TLK1: variants seen among roughly 807,000 people sequenced by gnomAD.
The protein encoded by TLK1 is tousled like kinase 1.
Under a neutral mutation model 105.3 loss-of-function variants are expected in TLK1, and 24 were observed. The ratio of observed to expected loss-of-function variants is 0.23; its 90% CI spans 0.17 to 0.32. TLK1 has a LOEUF of 0.32. Ranked by LOEUF, TLK1 falls within the 10% of genes least tolerant of loss-of-function variation. The pLI is 1.00. For synonymous variants in TLK1, 321 were observed against 310.4 expected, an observed-to-expected ratio of 1.03 and a Z score of -0.36; for missense variants, 558 against 910.5, an observed-to-expected ratio of 0.61 and a Z score of 4.98.
intron 11 of TLK1, chr2:171,045,256 T>C (rs1686898395): frequency 7.0e-6 from 1 of 143,074 alleles, no homozygotes; most frequent in African/African-American, 2.6e-5. Flanking sequence ...TTTGAGAAAG[T>C]CTCACTCTTG....
At chr2:171,086,739 T>A (rs1688997626) in intron 2 of TLK1, among the ~76,000 whole-genome samples, 1 of 151,836 alleles carries the variant, frequency 6.6e-6, no homozygotes, top group Admixed American at 6.6e-5. Context: ...GTCCCGGAGA[T>A]CAGAGCTGCA....
At position 170,999,932 on chromosome 2, in the gene TLK1, T is replaced by A. The variant is rs114610422; in HGVS notation, c.1905-2109A>T. 8.9e-3 allele frequency among the ~76,000 whole-genome samples: 1,354 copies of A among 152,080 alleles called. 16 individuals carry two copies. Among genetic ancestry groups the A allele is most frequent in the African/African-American group, 0.026 (1,092 of 41,486 alleles). On this transcript the variant is annotated intron_variant, in intron 18 of 20. Coordinates refer to ENST00000431350, the MANE Select transcript of TLK1 (RefSeq NM_012290.5). Reference sequence around the variant, plus strand: ...CACCACCATGCCTGGCTAATTTTTTTAAAAAATTTATACAGACAGGGTCTT... The same window carrying A: ...CACCACCATGCCTGGCTAATTTTTTAAAAAAATTTATACAGACAGGGTCTT...
intron 1 of TLK1, among the ~76,000 whole-genome samples, chr2:171,174,037 T>C (rs1344282204): frequency 2.0e-5 from 3 of 152,224 alleles, no homozygotes; most frequent in Non-Finnish European, 4.4e-5. Context: ...CCTTCTTCCA[T>C]TGCCTTAGTT....
chr2:171,111,541 C>G (rs551729236), intron 2 of TLK1, among the ~76,000 whole-genome samples: 1 of 150,862 alleles, frequency 6.6e-6, no homozygotes, highest in South Asian at 2.1e-4. Context: ...GCCGAGATCA[C>G]ACCCCTGCAC....
chr2:171,103,964 C>A (rs1333314289), intron 2 of TLK1, among the ~76,000 whole-genome samples: 1 of 152,060 alleles, frequency 6.6e-6, no homozygotes, highest in African/African-American at 2.4e-5. Context: ...TTCTATACAC[C>A]AACAATGAAC....
chr2:171,041,613 C>A (rs944437727), intron 11 of TLK1, among the ~76,000 whole-genome samples: 1 of 152,186 alleles, frequency 6.6e-6, no homozygotes, highest in Non-Finnish European at 1.5e-5. Context: ...AGGTTGTATG[C>A]TGCTTATGAA....
rs1355938810 is a variant in TLK1, at chr2:171,194,821, A to G, written c.-6+36324T>C. On this transcript the variant is annotated intron_variant, in intron 1 of 20. Coordinates refer to the TLK1 transcript ENST00000521943. Reference sequence around the variant, plus strand: ...GACAGAGCGAGACTCCGTCTCAGGGAAAAAAAAAAAAAAAAAAAAGTAAAA... The same window carrying G: ...GACAGAGCGAGACTCCGTCTCAGGGGAAAAAAAAAAAAAAAAAAAGTAAAA... 2.8e-3 allele frequency among the ~76,000 whole-genome samples: 114 copies of G among 40,624 alleles called. 3 individuals are homozygous for G. In the Middle Eastern group the frequency reaches 0.028, roughly 10 times the overall value. 26.7% of individuals were successfully genotyped at this position (40,624 alleles called of 152,430 possible). A position where few individuals can be genotyped will look rare whatever the true frequency, so the allele number is the denominator to read the frequency against.
At chr2:171,150,295 A>T (rs997776886) in intron 1 of TLK1, among the ~76,000 whole-genome samples, 19 of 152,204 alleles carry the variant, frequency 1.2e-4, no homozygotes, top group South Asian at 1.2e-3. Flanking sequence ...TCTAGTATTT[A>T]AAAAAAAGGA....
At chr2:171,197,261 G>C (rs1258140025) in intron 1 of TLK1, among the ~76,000 whole-genome samples, 1 of 152,002 alleles carries the variant, frequency 6.6e-6, no homozygotes, top group African/African-American at 2.4e-5. Flanking sequence ...GATAATCTCT[G>C]AATATGAAAA....
chr2:171,036,483 C>A (rs1686345367), intron 11 of TLK1, among the ~76,000 whole-genome samples: 1 of 152,180 alleles, frequency 6.6e-6, no homozygotes, highest in African/African-American at 2.4e-5. Context: ...AGGACAGAAA[C>A]CTGTGCCCAA....
chr2:171,196,063 A>AAAAGGAAGGAAGGAAGGAGG (rs1219576432), intron 1 of TLK1, among the ~76,000 whole-genome samples: 19 of 149,848 alleles, frequency 1.3e-4, no homozygotes, highest in Non-Finnish European at 2.1e-4. Context: ...GAAAGAAAGA[A>AAAAGGAAGGAAGGAAGGAGG]AAAGGAAGGA....
chr2:171,081,639 C>T, intron 3 of TLK1: 1 of 1,303,794 alleles, frequency 7.7e-7, no homozygotes, highest in Non-Finnish European at 1.0e-6. Context: ...CTAACGCTTA[C>T]CTCAAGGGAA....
intron 8 of TLK1, 92 bp from the exon 9 acceptor site, chr2:171,050,266 A>G (rs1421110307): frequency 1.3e-6 from 1 of 788,762 alleles, no homozygotes; most frequent in Non-Finnish European, 1.9e-6. Context: ...TTATATACAG[A>G]TAGGACTAAT....
chr2:171,052,516 C>T (rs1687289722), intron 8 of TLK1, among the ~76,000 whole-genome samples: 2 of 152,024 alleles, frequency 1.3e-5, no homozygotes, highest in African/African-American at 4.8e-5. Flanking sequence ...TAACACCTTA[C>T]AATATTGCAA....
At chr2:171,110,099 A>G (rs1381600666) in intron 2 of TLK1, among the ~76,000 whole-genome samples, 1 of 152,220 alleles carries the variant, frequency 6.6e-6, no homozygotes, top group African/African-American at 2.4e-5. Flanking sequence ...AGAGGGGGGA[A>G]TACGTGAATG....
At chr2:171,014,991 G>A in intron 12 of TLK1, 43 bp from the exon 13 acceptor site, 1 of 1,423,844 alleles carries the variant, frequency 7.0e-7, no homozygotes, top group Non-Finnish European at 9.9e-7. Context: ...CAATTTATTT[G>A]CGATATAAAA....
chr2:171,147,896 C>CT (rs34630360), intron 1 of TLK1, among the ~76,000 whole-genome samples: 2,785 of 144,060 alleles, frequency 0.019, 73 homozygotes, highest in African/African-American at 0.054. Context: ...GCAGTCATTC[C>CT]TTTTTTTTTT....
chr2:171,210,762 A>G (rs1043062544), intron 1 of TLK1, among the ~76,000 whole-genome samples: 1 of 152,190 alleles, frequency 6.6e-6, no homozygotes, highest in African/African-American at 2.4e-5. Flanking sequence ...TACAAGGGAG[A>G]ATTTGCCGGC....
At chr2:171,006,348 A>C in intron 17 of TLK1, 66 bp from the exon 18 acceptor site, 1 of 1,484,902 alleles carries the variant, frequency 6.7e-7, no homozygotes, top group Non-Finnish European at 9.0e-7. Context: ...AATAACTTTT[A>C]ATTTTACTAG....
Sources: allele counts gnomAD v4.1 joint callset (sites outside exome capture counted in the v4.1 genomes callset), GRCh38; gene constraint gnomAD v4.1.1; transcripts MANE v1.5; gene names NCBI Gene and HGNC (gene_info 2026-07-23, HGNC 2026-07-21).